The following CNTN5 variants were observed in gnomAD, a reference collection of about 807,000 sequenced individuals.
CNTN5 encodes contactin-5.
A neutral mutation model predicts 129.1 loss-of-function variants in CNTN5; 77 were observed. That is an observed-to-expected ratio of 0.60 (90% CI 0.50 to 0.72). CNTN5 has a LOEUF of 0.72. CNTN5 is among the 30% of genes least tolerant of loss of function. The pLI is 0.00. For missense variants in CNTN5, 1,478 were observed against 1,328.8 expected, an observed-to-expected ratio of 1.11 and a Z score of -1.75; for synonymous variants, 509 against 465.6, an observed-to-expected ratio of 1.09 and a Z score of -1.20.
intron 2 of CNTN5, among the ~76,000 whole-genome samples, chr11:99,421,540 C>A (rs1363393025): frequency 5.9e-5 from 9 of 152,112 alleles, no homozygotes; most frequent in African/African-American, 2.2e-4. Context: ...AATTATAGCA[C>A]CTTTGGATTT....
At chr11:99,209,380 G>A (rs1260463468) in intron 1 of CNTN5, among the ~76,000 whole-genome samples, 4 of 152,152 alleles carry the variant, frequency 2.6e-5, no homozygotes, top group East Asian at 3.8e-4. Context: ...TACGATCATG[G>A]TGGAAGGCAA....
At chr11:99,731,526 T>G (rs1411603193) in intron 3 of CNTN5, among the ~76,000 whole-genome samples, 1 of 152,172 alleles carries the variant, frequency 6.6e-6, no homozygotes, top group Non-Finnish European at 1.5e-5. Flanking sequence ...AGCCCTTATT[T>G]AGAGACTCAA....
At chr11:99,212,922 T>C (rs1859879426) in intron 1 of CNTN5, among the ~76,000 whole-genome samples, 1 of 152,068 alleles carries the variant, frequency 6.6e-6, no homozygotes, top group Non-Finnish European at 1.5e-5. Flanking sequence ...CTGGGCGCAA[T>C]GGCTCAGGCC....
At chr11:99,618,050 T>G (rs1950815072) in intron 3 of CNTN5, among the ~76,000 whole-genome samples, 1 of 152,124 alleles carries the variant, frequency 6.6e-6, no homozygotes, top group South Asian at 2.1e-4. Context: ...TCAAAGTATG[T>G]GGGGGTAAAT....
chr11:100,063,063 A>T (rs1331645136), intron 10 of CNTN5, among the ~76,000 whole-genome samples: 1 of 152,114 alleles, frequency 6.6e-6, no homozygotes, highest in Non-Finnish European at 1.5e-5. Context: ...GTTACTCTGA[A>T]GGCTATCAGA....
intron 2 of CNTN5, among the ~76,000 whole-genome samples, chr11:99,397,991 A>C (rs1279549677): frequency 6.6e-6 from 1 of 151,840 alleles, no homozygotes. Flanking sequence ...ATCTATATTA[A>C]GCTAAACATG....
intron 1 of CNTN5, among the ~76,000 whole-genome samples, chr11:99,058,167 C>A (rs1016254219): frequency 6.6e-6 from 1 of 151,768 alleles, no homozygotes; most frequent in Non-Finnish European, 1.5e-5. Context: ...GTTGGGAAGC[C>A]CTGAAGAGTT....
At chr11:99,639,273 T>C (rs1395311982) in intron 3 of CNTN5, among the ~76,000 whole-genome samples, 1 of 152,126 alleles carries the variant, frequency 6.6e-6, no homozygotes, top group Non-Finnish European at 1.5e-5. Flanking sequence ...ACAGAGACCC[T>C]GGGCCTGGCC....
chr11:99,494,993 TAAAATC>T (rs1946170606), intron 2 of CNTN5, among the ~76,000 whole-genome samples: 1 of 152,222 alleles, frequency 6.6e-6, no homozygotes, highest in Admixed American at 6.5e-5. Flanking sequence ...CTTTTATAGA[TAAAATC>T]AAAAACACTA....
intron 21 of CNTN5, among the ~76,000 whole-genome samples, chr11:100,315,445 G>T (rs1189277792): frequency 6.6e-6 from 1 of 152,132 alleles, no homozygotes; most frequent in Non-Finnish European, 1.5e-5. Flanking sequence ...GAATAGTTTT[G>T]CAAAAGACAA....
At chr11:100,296,158 G>A (rs1417611223) in intron 18 of CNTN5, among the ~76,000 whole-genome samples, 4 of 151,350 alleles carry the variant, frequency 2.6e-5, no homozygotes, top group Non-Finnish European at 5.9e-5. Context: ...GTAACATTGA[G>A]CAGAAAATAA....
intron 18 of CNTN5, among the ~76,000 whole-genome samples, chr11:100,289,400 G>C (rs1950893467): frequency 6.6e-6 from 1 of 151,152 alleles, no homozygotes; most frequent in Non-Finnish European, 1.5e-5. Context: ...ACATCAAAAA[G>C]CTTATCCACC....
chr11:99,967,094 A>C (rs17134768), intron 8 of CNTN5, among the ~76,000 whole-genome samples: 4,541 of 152,220 alleles, frequency 0.03, 223 homozygotes, highest in East Asian at 0.22. Context: ...TAGGTGACTA[A>C]ATAAAGAGAG....
intron 16 of CNTN5, among the ~76,000 whole-genome samples, chr11:100,249,331 G>A (rs1949912388): frequency 6.6e-6 from 1 of 152,168 alleles, no homozygotes; most frequent in Non-Finnish European, 1.5e-5. Context: ...AGTCTGCAAT[G>A]CTGGGGAACC....
intron 21 of CNTN5, among the ~76,000 whole-genome samples, chr11:100,336,292 T>G (rs1181912910): frequency 6.6e-6 from 1 of 152,208 alleles, no homozygotes; most frequent in South Asian, 2.1e-4. Context: ...AGGAGCAATA[T>G]GAATATTTGC....
At chr11:99,713,287 TTTG>T (rs951120277) in intron 3 of CNTN5, among the ~76,000 whole-genome samples, 2 of 151,186 alleles carry the variant, frequency 1.3e-5, no homozygotes, top group African/African-American at 4.8e-5. Context: ...CTCTCTGTTT[TTTG>T]TTGTTGTTGT....
chr11:99,082,169 C>A (rs893807378), intron 1 of CNTN5, among the ~76,000 whole-genome samples: 1 of 150,798 alleles, frequency 6.6e-6, no homozygotes, highest in Non-Finnish European at 1.5e-5. Flanking sequence ...TCATTGTAAC[C>A]GCCAGTGTTC....
intron 3 of CNTN5, among the ~76,000 whole-genome samples, chr11:99,771,645 G>A (rs1389882679): frequency 6.6e-6 from 1 of 152,004 alleles, no homozygotes; most frequent in Non-Finnish European, 1.5e-5. Flanking sequence ...TTAGCTGGCG[G>A]TGGGGGAAAT....
At chr11:99,745,540 A>G (rs563884431) in intron 3 of CNTN5, among the ~76,000 whole-genome samples, 9 of 152,134 alleles carry the variant, frequency 5.9e-5, no homozygotes, top group African/African-American at 2.2e-4. Context: ...CTTTCATTTT[A>G]TGTAAGCTTC....
Sources: allele counts gnomAD v4.1 joint callset (sites outside exome capture counted in the v4.1 genomes callset), GRCh38; gene constraint gnomAD v4.1.1; transcripts MANE v1.5; gene names NCBI Gene and HGNC (gene_info 2026-07-23, HGNC 2026-07-21).